The following ALG9 variants were observed in gnomAD, a reference collection of about 807,000 sequenced individuals.
The protein encoded by ALG9 is ALG9 alpha-1,2-mannosyltransferase.
A neutral mutation model predicts 81.8 loss-of-function variants in ALG9; 55 were observed. The observed-to-expected ratio is 0.67, with a 90% confidence interval of 0.54 to 0.84. The LOEUF (loss-of-function observed/expected upper bound fraction) is 0.84, where lower values mean the gene tolerates loss of function less well. ALG9 is among the 40% of genes least tolerant of loss of function. The pLI, the probability that ALG9 is intolerant of heterozygous loss-of-function variation, is 0.00. For missense variants in ALG9, 629 were observed against 745.0 expected (o/e 0.84, Z 1.81); for synonymous variants, 278 against 274.3 (o/e 1.01, Z -0.13).
chr11:111,836,435 G>GC lies in ALG9; in HGVS notation c.1473-142dup, dbSNP rs1194470547. 32 of 1,085,350 alleles carry GC rather than the reference G, an allele frequency of 2.9e-5. 1 individual carries two copies. In the South Asian group the frequency reaches 4.3e-4, roughly 14 times the overall value. 67.2% of individuals were successfully genotyped at this position (1,085,350 alleles called of 1,614,324 possible). ...TTTCTGCTAAAACCTCAACCAGGGA[G>GC]CACAGAGGCAGAGGTCACAAGTCAG... On this transcript the variant is annotated intron_variant, in intron 12 of 14. Coordinates refer to ENST00000616540, the MANE Select transcript of ALG9 (RefSeq NM_024740.2).
chr11:111,779,148 T>C (rs1332395817), downstream of ALG9, among the ~76,000 whole-genome samples: 1 of 152,030 alleles, frequency 6.6e-6, no homozygotes, highest in African/African-American at 2.4e-5. Flanking sequence ...CCCCAGATTC[T>C]GTCTCGTGTA....
At chr11:111,868,762 A>C (rs376652276) in intron 2 of ALG9, 26 bp from the exon 3 acceptor site, 4 of 1,552,174 alleles carry the variant, frequency 2.6e-6, no homozygotes, top group Non-Finnish European at 3.5e-6. Flanking sequence ...AGATAGATTC[A>C]GGGTTATACT....
chr11:111,856,328 A>G (rs1353551037), intron 6 of ALG9, among the ~76,000 whole-genome samples: 2 of 151,212 alleles, frequency 1.3e-5, no homozygotes, highest in South Asian at 2.1e-4. Context: ...AGCATTGGTT[A>G]TAACAGTAAA....
intron 14 of ALG9, among the ~76,000 whole-genome samples, chr11:111,792,600 T>C (rs1243285676): frequency 6.6e-6 from 1 of 152,152 alleles, no homozygotes; most frequent in Non-Finnish European, 1.5e-5. Context: ...CATCATGAGA[T>C]CCAAGAAACA....
intron 6 of ALG9, among the ~76,000 whole-genome samples, chr11:111,854,937 T>C (rs904968063): frequency 2.6e-5 from 4 of 152,226 alleles, no homozygotes; most frequent in Admixed American, 6.5e-5. Context: ...AAATCACTTA[T>C]CTTGGTAAAG....
At chr11:111,813,762 A>G (rs1555094082) in intron 13 of ALG9, among the ~76,000 whole-genome samples, 1 of 152,242 alleles carries the variant, frequency 6.6e-6, no homozygotes, top group African/African-American at 2.4e-5. Context: ...CAACCTCATT[A>G]GTAACCAGCA....
intron 8 of ALG9, among the ~76,000 whole-genome samples, chr11:111,846,470 C>T (rs782587770): frequency 2.0e-5 from 3 of 152,304 alleles, no homozygotes; most frequent in South Asian, 2.1e-4. Flanking sequence ...ATTTACTATA[C>T]CCTCCTGTTA....
At chr11:111,850,584 G>A (rs1240011188) in intron 8 of ALG9, among the ~76,000 whole-genome samples, 2 of 151,752 alleles carry the variant, frequency 1.3e-5, no homozygotes, top group Non-Finnish European at 2.9e-5. Flanking sequence ...ATGGGTGCCT[G>A]TAATCCCAGC....
chr11:111,853,795 T>G, intron 6 of ALG9, 59 bp from the exon 7 acceptor site: 1 of 1,391,082 alleles, frequency 7.2e-7, no homozygotes, highest in Non-Finnish European at 1.0e-6. Context: ...ACAAATCAGA[T>G]TCACACATAC....
intron 14 of ALG9, among the ~76,000 whole-genome samples, chr11:111,802,485 G>A (rs529414046): frequency 6.6e-6 from 1 of 152,344 alleles, no homozygotes; most frequent in African/African-American, 2.4e-5. Context: ...GCAATCTATA[G>A]AAGCAGAGAA....
In ALG9 at chr11:111,848,590, CAAA is replaced by C. The variant is rs60317912; in HGVS notation, c.896-3870_896-3868del. ...GGGCAACAAGAGCAAAACTCCATCTCAAAAAAAAAAAAAAAAAAGAAAACCAGG... is the reference window on the plus strand; with the variant it reads ...GGGCAACAAGAGCAAAACTCCATCTCAAAAAAAAAAAAAAAGAAAACCAGG... On this transcript the variant is annotated intron_variant, in intron 8 of 14. Transcript: ENST00000616540. Among the ~76,000 whole-genome samples the C allele has an allele frequency of 2.8e-3, 141 of 50,222 alleles. 1 individual carries two copies. The highest frequency in any genetic ancestry group is 7.0e-3 in the African/African-American group (128 of 18,386). The allele number at this position is 50,222 out of a possible 152,430, so 32.9% of individuals were successfully genotyped here.
chr11:111,843,014 G>A (rs936503371), intron 9 of ALG9, among the ~76,000 whole-genome samples: 1 of 152,030 alleles, frequency 6.6e-6, no homozygotes, highest in Non-Finnish European at 1.5e-5. Flanking sequence ...CGAACTCCTG[G>A]GCTCAAGCAA....
At position 111,790,485 on chromosome 11, in the gene ALG9, A is replaced by C. The variant is rs1555069486; in HGVS notation, c.1734-3965T>G. On this transcript the variant is annotated intron_variant, in intron 14 of 14. Transcript: ENST00000616540. ...TTTCTGAAAAATAAAAAAATTTAAA[A>C]AATAAGTGGCTGGACTGAAATAGAA... Among the ~76,000 whole-genome samples, 127 of 152,202 alleles carry C rather than the reference A, an allele frequency of 8.3e-4. 1 individual carries two copies.
intron 4 of ALG9, 114 bp from the exon 5 acceptor site, chr11:111,860,749 A>G: frequency 1.3e-6 from 1 of 766,842 alleles, no homozygotes; most frequent in Admixed American, 2.5e-5. Context: ...CAAACACAAA[A>G]CTACCTTGTC....
intron 8 of ALG9, among the ~76,000 whole-genome samples, chr11:111,846,402 C>T (rs1956954604): frequency 6.6e-6 from 1 of 152,204 alleles, no homozygotes; most frequent in African/African-American, 2.4e-5. Flanking sequence ...TTTGCAAATA[C>T]AGACTGTTTT....
At chr11:111,827,673 G>C (rs1648391) in intron 13 of ALG9, among the ~76,000 whole-genome samples, 108,345 of 151,552 alleles carry the variant, frequency 0.71, 39,461 homozygotes, top group African/African-American at 0.87. Context: ...TCGAGACCAG[G>C]CTGGCCAACA....
intron 14 of ALG9, among the ~76,000 whole-genome samples, chr11:111,793,760 C>CA (rs35166603): frequency 0.1 from 5,389 of 53,060 alleles, 438 homozygotes; most frequent in African/African-American, 0.28. Flanking sequence ...GAGTCCAGCT[C>CA]AAAAAAAAAA....
At chr11:111,863,175 G>A (rs781984420) in intron 4 of ALG9, among the ~76,000 whole-genome samples, 3 of 151,882 alleles carry the variant, frequency 2.0e-5, no homozygotes, top group African/African-American at 4.8e-5. Context: ...ACCAAGACAC[G>A]GTGAAACCCC....
chr11:111,798,130 G>A (rs1948579010), intron 14 of ALG9: 1 of 205,036 alleles, frequency 4.9e-6, no homozygotes, highest in Admixed American at 5.8e-5. Flanking sequence ...TTGAGTCCAG[G>A]AGGTGGAGGT....
Sources: gnomAD v4.1 joint callset for allele counts (sites outside exome capture counted in the v4.1 genomes callset) on GRCh38, gnomAD v4.1.1 for gene constraint, MANE v1.5 for transcripts, NCBI Gene and HGNC (gene_info 2026-07-23, HGNC 2026-07-21) for gene names.